Variants in IL17RD observed in about 807,000 individuals in gnomAD.
IL17RD encodes interleukin-17 receptor D.
Under a neutral mutation model 80.5 loss-of-function variants are expected in IL17RD, and 52 were observed. The ratio of observed to expected loss-of-function variants is 0.65; its 90% CI spans 0.52 to 0.81. IL17RD has a LOEUF of 0.81. Ranked by LOEUF, IL17RD falls within the 40% of genes least tolerant of loss-of-function variation. IL17RD has a pLI of 0.00. For synonymous variants in IL17RD, 416 were observed against 391.8 expected (o/e 1.06, Z -0.73); for missense variants, 1,024 against 955.1 (o/e 1.07, Z -0.95).
chr3:57,165,021 G>C (rs2060337309), intron 1 of IL17RD, 140 bp downstream of exon 1: 5 of 1,343,348 alleles, frequency 3.7e-6, no homozygotes, highest in South Asian at 1.8e-5. Flanking sequence ...GAGGATGCGC[G>C]GGAGGAGTGA....
In IL17RD at chr3:57,148,096, G is replaced by T. The variant is rs1241779885; in HGVS notation, c.126+17065C>A. Among the ~76,000 whole-genome samples the T allele has an allele frequency of 3.4e-5, 4 of 116,828 alleles. 1 individual carries two copies. The highest frequency in any genetic ancestry group is 6.3e-5 in the African/African-American group (2 of 31,892). The allele number at this position is 116,828 out of a possible 152,430, so 76.6% of individuals were successfully genotyped here. A position where few individuals can be genotyped will look rare whatever the true frequency, so the allele number is the denominator to read the frequency against. On this transcript the variant is annotated intron_variant, in intron 1 of 12. Coordinates refer to ENST00000296318, the MANE Select transcript of IL17RD (RefSeq NM_017563.5). ...CTTTGGGAGGCCAAGGTTGGGGGGGGGGGGGGGGCGATCGCTAGGTCAAGA... is the reference window on the plus strand; with the variant it reads ...CTTTGGGAGGCCAAGGTTGGGGGGGTGGGGGGGGCGATCGCTAGGTCAAGA...
chr3:57,163,639 C>T (rs1235249586), intron 1 of IL17RD, among the ~76,000 whole-genome samples: 1 of 152,056 alleles, frequency 6.6e-6, no homozygotes, highest in Non-Finnish European at 1.5e-5. Flanking sequence ...CTTAAGTCAA[C>T]ACGAGATCCT....
At chr3:57,105,146 G>C (rs1214232195) in intron 7 of IL17RD, among the ~76,000 whole-genome samples, 2 of 152,130 alleles carry the variant, frequency 1.3e-5, no homozygotes, top group Non-Finnish European at 2.9e-5. Context: ...CTGTAAAATG[G>C]GGATGACAGC....
chr3:57,118,496 T>C (rs138439464), intron 2 of IL17RD, among the ~76,000 whole-genome samples: 183 of 152,350 alleles, frequency 1.2e-3, no homozygotes, highest in African/African-American at 4.2e-3. Flanking sequence ...ATTAATCAGA[T>C]GCCAGACGTC....
At chr3:57,108,509 C>T (rs1474769161) in intron 5 of IL17RD, among the ~76,000 whole-genome samples, 18 of 49,154 alleles carry the variant, frequency 3.7e-4, no homozygotes, top group African/African-American at 6.7e-4. Flanking sequence ...TGATACATGG[C>T]TTTTTTTTTT....
intron 1 of IL17RD, among the ~76,000 whole-genome samples, chr3:57,160,359 AAAGC>A (rs1285625306): frequency 6.6e-6 from 1 of 152,198 alleles, no homozygotes; most frequent in Non-Finnish European, 1.5e-5. Flanking sequence ...AAAATACTTA[AAAGC>A]ACTAGCAGTT....
At position 57,092,149 on chromosome 3, in the gene IL17RD, A is replaced by G. The variant is rs1488370311; in HGVS notation, c.*4244T>C. ...TAATGCAAATACCTGGCTCTAATGG[A>G]CGCTAGGAGGTTCCTTGCCTTACTC... On this transcript the variant is annotated 3_prime_UTR_variant, in exon 13 of 13. Coordinates refer to ENST00000296318, the MANE Select transcript of IL17RD (RefSeq NM_017563.5). 6.6e-6 allele frequency: 1 copy of G among 152,668 alleles called. No individual in the cohort carries two copies. The highest frequency in any genetic ancestry group is 2.4e-5 in the African/African-American group (1 of 41,454). The allele number at this position is 152,668 out of a possible 1,614,324, so 9.5% of individuals were successfully genotyped here. A position where few individuals can be genotyped will look rare whatever the true frequency, so the allele number is the denominator to read the frequency against.
At chr3:57,127,293 TAAATATATATAAAA>T (rs1707495375) in intron 1 of IL17RD, among the ~76,000 whole-genome samples, 1 of 93,406 alleles carries the variant, frequency 1.1e-5, no homozygotes, top group African/African-American at 6.1e-5. Flanking sequence ...TAAATATATA[TAAATATATATAAAA>T]ATATATAAAA....
At chr3:57,099,879 TA>T (rs1231192654) in intron 11 of IL17RD, among the ~76,000 whole-genome samples, 1 of 152,148 alleles carries the variant, frequency 6.6e-6, no homozygotes, top group Non-Finnish European at 1.5e-5. Flanking sequence ...ACTAATAGTG[TA>T]AAAAATTATT....
At chr3:57,147,873 T>C (rs987430325) in intron 1 of IL17RD, among the ~76,000 whole-genome samples, 2 of 152,218 alleles carry the variant, frequency 1.3e-5, no homozygotes, top group African/African-American at 2.4e-5. Context: ...AATCAGTATG[T>C]AATGGAGCTT....
In IL17RD at chr3:57,094,305, T is replaced by C. The variant is rs1393897781; in HGVS notation, c.*2088A>G. On this transcript the variant is annotated 3_prime_UTR_variant, in exon 13 of 13. Transcript: ENST00000296318. ...ACTATGGTTTCATTACTCGGTATAT[T>C]AAGAGTTTGATTTTATTGATCAGAA... 6.6e-6 allele frequency: 1 copy of C among 152,236 alleles called. No homozygotes were observed. The highest frequency in any genetic ancestry group is 1.5e-5 in the Non-Finnish European group (1 of 68,056). 9.4% of individuals were successfully genotyped at this position (152,236 alleles called of 1,614,324 possible).
At chr3:57,152,208 C>T (rs1455144548) in intron 1 of IL17RD, among the ~76,000 whole-genome samples, 1 of 152,156 alleles carries the variant, frequency 6.6e-6, no homozygotes, top group South Asian at 2.1e-4. Context: ...CCAAAGCATA[C>T]CCTCACCCGA....
At chr3:57,166,807 G>T (rs2060350586), upstream of IL17RD, among the ~76,000 whole-genome samples, 1 of 152,076 alleles carries the variant, frequency 6.6e-6, no homozygotes, top group African/African-American at 2.4e-5. Flanking sequence ...ATTCAACAGG[G>T]CAGCCTCCTC....
chr3:57,126,768 G>A (rs1474451772), intron 1 of IL17RD, among the ~76,000 whole-genome samples: 1 of 152,168 alleles, frequency 6.6e-6, no homozygotes, highest in Non-Finnish European at 1.5e-5. Context: ...AGCCAGTAAT[G>A]TTTTAGTGAA....
In IL17RD at chr3:57,105,972, C is replaced by A; in HGVS notation, c.632G>T (p.Gly211Val). Reference protein sequence around the residue: ...KPRNLNISQHGSDMQVSFDHA... With the variant: ...KPRNLNISQHVSDMQVSFDHA... ...GTCGAAGGACACCTGCATGTCCGAG[C>A]CATGCTGGCTGATGTTCAGGTTCCG... is the stretch of plus-strand genomic sequence containing the variant. Residue 211 changes from glycine (G) to valine (V), a missense_variant, in exon 7 of 13, where the codon GGC becomes GTC. Gly to Val is a moderately radical substitution (Grantham distance 109). Transcript: ENST00000296318. 6.2e-7 allele frequency: 1 copy of A among 1,613,866 alleles called. No homozygotes were observed. The highest frequency in any genetic ancestry group is 8.5e-7 in the Non-Finnish European group (1 of 1,179,820).
rs552325114 is a variant in IL17RD, at chr3:57,158,560, C to G, written c.126+6601G>C. On this transcript the variant is annotated intron_variant, in intron 1 of 12. Coordinates refer to ENST00000296318, the MANE Select transcript of IL17RD (RefSeq NM_017563.5). ...ACAGCTGGTACCTATTAAGTCCCCCCCTTTAAATGTTGTAGCCTTAATTAG... is the reference window on the plus strand; with the variant it reads ...ACAGCTGGTACCTATTAAGTCCCCCGCTTTAAATGTTGTAGCCTTAATTAG... Among the ~76,000 whole-genome samples, 6 of 152,290 alleles carry G rather than the reference C, an allele frequency of 3.9e-5. No homozygotes were observed. In the South Asian group the frequency reaches 1.0e-3, roughly 26 times the overall value.
At chr3:57,160,323 CAT>C (rs981934425) in intron 1 of IL17RD, among the ~76,000 whole-genome samples, 1 of 149,780 alleles carries the variant, frequency 6.7e-6, no homozygotes, top group Non-Finnish European at 1.5e-5. Flanking sequence ...AAAAAAAAAA[CAT>C]GTTTTAGGCC....
At chr3:57,146,209 T>C (rs1297061312) in intron 1 of IL17RD, among the ~76,000 whole-genome samples, 1 of 152,216 alleles carries the variant, frequency 6.6e-6, no homozygotes, top group Non-Finnish European at 1.5e-5. Context: ...AATCAATAAT[T>C]CTTAGACTTA....
At chr3:57,106,067 G>A (rs201941339) in intron 6 of IL17RD, 43 bp downstream of exon 6, 4 of 1,609,964 alleles carry the variant, frequency 2.5e-6, no homozygotes, top group East Asian at 2.2e-5. Context: ...CCATCATAGT[G>A]GCGATACTTT....
Sources: gnomAD v4.1 joint callset for allele counts (sites outside exome capture counted in the v4.1 genomes callset) on GRCh38, gnomAD v4.1.1 for gene constraint, MANE v1.5 for transcripts, NCBI Gene and HGNC (gene_info 2026-07-23, HGNC 2026-07-21) for gene names.